Variants in LAMC1 observed in about 807,000 individuals in gnomAD.
The protein encoded by LAMC1 is laminin subunit gamma 1, also known as laminin subunit gamma-1.
A neutral mutation model predicts 173.6 loss-of-function variants in LAMC1; 38 were observed. That is an observed-to-expected ratio of 0.22 (90% CI 0.17 to 0.29). LAMC1 has a LOEUF of 0.29. LAMC1 is among the 10% of genes least tolerant of loss of function. The pLI, the probability that LAMC1 is intolerant of heterozygous loss-of-function variation, is 1.00. For missense variants in LAMC1, 1,824 were observed against 2,051.8 expected (o/e 0.89, Z 2.14); for synonymous variants, 746 against 749.1 (o/e 1.00, Z 0.07).
intron 1 of LAMC1, among the ~76,000 whole-genome samples, chr1:183,036,850 A>G (rs1185986455): frequency 1.3e-5 from 2 of 152,248 alleles, no homozygotes; most frequent in South Asian, 2.1e-4. Flanking sequence ...ATCTTGGCTC[A>G]CTGCAACCTC....
chr1:183,053,712 A>G (rs1654500013), intron 1 of LAMC1, among the ~76,000 whole-genome samples: 1 of 151,770 alleles, frequency 6.6e-6, no homozygotes, highest in African/African-American at 2.4e-5. Flanking sequence ...TGCAACCTCC[A>G]TCTCCTGGGC....
chr1:183,129,784 A>G (rs1251957567), intron 18 of LAMC1, among the ~76,000 whole-genome samples: 1 of 152,048 alleles, frequency 6.6e-6, no homozygotes, highest in African/African-American at 2.4e-5. Flanking sequence ...AATAATTTGA[A>G]GAACTATTCA....
At chr1:183,048,115 T>C (rs1000403719) in intron 1 of LAMC1, among the ~76,000 whole-genome samples, 2 of 152,198 alleles carry the variant, frequency 1.3e-5, no homozygotes, top group African/African-American at 2.4e-5. Context: ...TTCTAAAATA[T>C]CAAATGTAAA....
At chr1:183,137,324 A>C (rs1482267995) in intron 25 of LAMC1, among the ~76,000 whole-genome samples, 1 of 152,206 alleles carries the variant, frequency 6.6e-6, no homozygotes, top group African/African-American at 2.4e-5. Context: ...GCATCTAATC[A>C]ATATGATGTC....
chr1:183,117,621 C>T lies in LAMC1; in HGVS notation c.1775C>T (p.Ala592Val), dbSNP rs1157356935. ...GACAGGCGAGATACTCGCCTCTCTGCAGAAGACCTTGTGCTTGAGGGAGCT... is the reference window on the plus strand; with the variant it reads ...GACAGGCGAGATACTCGCCTCTCTGTAGAAGACCTTGTGCTTGAGGGAGCT... The part of the protein sequence containing the change: ...RVDRRDTRLS[A>V]EDLVLEGAGL... Residue 592 changes from alanine (A) to valine (V), a missense_variant, in exon 10 of 28, where the codon GCA (alanine) becomes GTA (valine). Coordinates refer to ENST00000258341, the MANE Select transcript of LAMC1 (RefSeq NM_002293.4). 2 of 1,614,188 alleles carry T rather than the reference C, an allele frequency of 1.2e-6. No individual in the cohort carries two copies. Among genetic ancestry groups the T allele is most frequent in the African/African-American group, 1.3e-5 (1 of 75,056 alleles).
At chr1:183,136,694 G>A in intron 25 of LAMC1, 109 bp downstream of exon 25, 2 of 871,980 alleles carry the variant, frequency 2.3e-6, no homozygotes, top group South Asian at 1.8e-5. Context: ...CTGAACTTCA[G>A]TAAAATTGTC....
chr1:183,024,216 C>T, intron 1 of LAMC1, 82 bp downstream of exon 1: 1 of 1,382,664 alleles, frequency 7.2e-7, no homozygotes, highest in South Asian at 1.5e-5. Context: ...TGGCCGGCCT[C>T]ACGGGCGCAG....
intron 1 of LAMC1, among the ~76,000 whole-genome samples, chr1:183,048,736 T>C (rs1654333171): frequency 6.6e-6 from 1 of 152,204 alleles, no homozygotes; most frequent in Non-Finnish European, 1.5e-5. Context: ...AAAATATTTG[T>C]TATAGTATTG....
chr1:183,067,811 T>C (rs1033044642), intron 1 of LAMC1, among the ~76,000 whole-genome samples: 1 of 152,056 alleles, frequency 6.6e-6, no homozygotes, highest in Non-Finnish European at 1.5e-5. Context: ...TATTTAAAAA[T>C]TTTTTTATTT....
chr1:183,130,563 A>G lies in LAMC1; in HGVS notation c.3486+14A>G, dbSNP rs199759907. 266 of 1,611,698 alleles carry G rather than the reference A, an allele frequency of 1.7e-4. No individual in the cohort carries two copies. In the African/African-American group the frequency reaches 2.8e-3, roughly 17 times the overall value. Reference sequence around the variant, plus strand: ...GCTGCCAATGTGGTAAGTGATTGCAAACGTCTGAGGTGGGGATGGGGGAGG... The same window carrying G: ...GCTGCCAATGTGGTAAGTGATTGCAGACGTCTGAGGTGGGGATGGGGGAGG... On this transcript the variant is annotated intron_variant, in intron 19 of 27. Coordinates refer to ENST00000258341, the MANE Select transcript of LAMC1 (RefSeq NM_002293.4).
At chr1:183,132,066 A>G (rs942434531) in intron 20 of LAMC1, among the ~76,000 whole-genome samples, 1 of 152,258 alleles carries the variant, frequency 6.6e-6, no homozygotes. Flanking sequence ...TGGGAGGCCA[A>G]GGCGGGTGGA....
chr1:183,125,811 TAGAATC>T (rs1479538486), intron 15 of LAMC1, among the ~76,000 whole-genome samples: 2 of 152,134 alleles, frequency 1.3e-5, no homozygotes, highest in African/African-American at 2.4e-5. Context: ...CTGAGGCACT[TAGAATC>T]AGACCCTTCA....
chr1:183,070,364 A>C (rs181724510), intron 1 of LAMC1, among the ~76,000 whole-genome samples: 4 of 152,026 alleles, frequency 2.6e-5, no homozygotes, highest in Admixed American at 2.6e-4. Flanking sequence ...TCAGAGCTGA[A>C]CCTCTTCTGC....
intron 13 of LAMC1, among the ~76,000 whole-genome samples, chr1:183,123,688 A>G (rs1028484179): frequency 6.6e-6 from 1 of 152,164 alleles, no homozygotes; most frequent in Admixed American, 6.5e-5. Flanking sequence ...TTTTATGCTT[A>G]TCCCTATCTG....
chr1:183,132,578 T>C, intron 21 of LAMC1, 41 bp downstream of exon 21: 1 of 1,523,148 alleles, frequency 6.6e-7, no homozygotes, highest in Non-Finnish European at 9.1e-7. Flanking sequence ...CTTCAGGTGT[T>C]CTGGTAAGTA....
intron 1 of LAMC1, among the ~76,000 whole-genome samples, chr1:183,083,206 C>G (rs1018378982): frequency 1.3e-5 from 2 of 152,166 alleles, no homozygotes; most frequent in African/African-American, 2.4e-5. Flanking sequence ...TACAAATATT[C>G]TTTCATTCCA....
Position 183,103,350 on chromosome 1 carries a change from T to C in LAMC1, c.441T>C (p.Tyr147=). ...CAGGAAAAGCTTTTGACATCACCTA[T>C]GTGCGTCTCAAGTTCCACACCAGCC... The part of the protein sequence containing the change: ...LHLGKAFDIT[Y]VRLKFHTSRP... The change falls in exon 2 of 28, where the codon TAT becomes TAC. Residue 147 remains tyrosine, a synonymous_variant. Coordinates refer to ENST00000258341, the MANE Select transcript of LAMC1 (RefSeq NM_002293.4). 1.2e-6 allele frequency: 2 copies of C among 1,614,112 alleles called. No individual in the cohort carries two copies. The highest frequency in any genetic ancestry group is 1.1e-5 in the South Asian group (1 of 91,078).
At chr1:183,138,015 T>C in intron 26 of LAMC1, 188 bp downstream of exon 26, 2 of 581,266 alleles carry the variant, frequency 3.4e-6, no homozygotes, top group Non-Finnish European at 5.3e-6. Flanking sequence ...GGTAATTTTG[T>C]TGCACAATTG....
intron 4 of LAMC1, among the ~76,000 whole-genome samples, chr1:183,111,239 A>G (rs927190754): frequency 6.6e-6 from 1 of 151,918 alleles, no homozygotes; most frequent in Non-Finnish European, 1.5e-5. Flanking sequence ...GGTGCATGCC[A>G]CCATGCCCAG....
Sources: gnomAD v4.1 joint callset for allele counts (sites outside exome capture counted in the v4.1 genomes callset) on GRCh38, gnomAD v4.1.1 for gene constraint, MANE v1.5 for transcripts, NCBI Gene and HGNC (gene_info 2026-07-23, HGNC 2026-07-21) for gene names.